The following ELMO1 variants were observed in gnomAD, a reference collection of about 807,000 sequenced individuals.
ELMO1 encodes the protein engulfment and cell motility protein 1.
In ELMO1, 26 loss-of-function variants were observed where a neutral mutation model predicts 98.9. The ratio of observed to expected loss-of-function variants is 0.26; its 90% CI spans 0.19 to 0.36. ELMO1 has a LOEUF of 0.36. ELMO1 is among the 10% of genes least tolerant of loss of function. The probability of loss-of-function intolerance (pLI) is 1.00; values close to 1 mark genes in which losing one functional copy is unlikely to be tolerated. For synonymous variants in ELMO1, 346 were observed against 346.0 expected (o/e 1.00, Z 0.00); for missense variants, 627 against 935.2 (o/e 0.67, Z 4.30).
At chr7:37,165,546 A>G (rs893360804) in intron 13 of ELMO1, among the ~76,000 whole-genome samples, 2 of 152,114 alleles carry the variant, frequency 1.3e-5, no homozygotes, top group African/African-American at 4.8e-5. Flanking sequence ...CTTAGCATGA[A>G]GGGCTGTTGA....
At chr7:37,373,377 C>A (rs563262094) in intron 1 of ELMO1, among the ~76,000 whole-genome samples, 137 of 152,176 alleles carry the variant, frequency 9.0e-4, no homozygotes, top group African/African-American at 3.1e-3. Flanking sequence ...GAGCTTGAGG[C>A]GGGCAGATCA....
In ELMO1 at chr7:37,304,436, C is replaced by G. The variant is rs543137687; in HGVS notation, c.192+10414G>C. Among the ~76,000 whole-genome samples the G allele has an allele frequency of 8.3e-4, 127 of 152,322 alleles. 1 individual carries two copies. The highest frequency in any genetic ancestry group is 2.7e-3 in the African/African-American group (113 of 41,570). On this transcript the variant is annotated intron_variant, in intron 4 of 21. Transcript: ENST00000310758. ...ATGGATTGAGAAAGGGCAGAGGCGT[C>G]TGGGCACGGCGGCTCACGCCTGTAA...
intron 18 of ELMO1, among the ~76,000 whole-genome samples, chr7:36,887,232 A>T (rs1400220940): frequency 6.6e-6 from 1 of 152,224 alleles, no homozygotes; most frequent in Non-Finnish European, 1.5e-5. Flanking sequence ...CAGAACATAG[A>T]TCCGGAAGTC....
intron 16 of ELMO1, among the ~76,000 whole-genome samples, chr7:37,004,510 C>T (rs1792908771): frequency 6.6e-6 from 1 of 152,178 alleles, no homozygotes; most frequent in South Asian, 2.1e-4. Flanking sequence ...TTATTTTCTC[C>T]TCCTAATTGG....
At chr7:37,193,008 TAC>T (rs10592735) in intron 13 of ELMO1, among the ~76,000 whole-genome samples, 82,656 of 125,290 alleles carry the variant, frequency 0.66, 26,498 homozygotes, top group East Asian at 0.83. Context: ...TATATATATA[TAC>T]ACACACACAC....
chr7:37,038,508 T>C (rs1795318892), intron 15 of ELMO1, among the ~76,000 whole-genome samples: 1 of 152,220 alleles, frequency 6.6e-6, no homozygotes, highest in African/African-American at 2.4e-5. Flanking sequence ...GATTTTTTGA[T>C]CTTCCTTCTT....
intron 1 of ELMO1, among the ~76,000 whole-genome samples, chr7:37,381,864 G>A (rs1169515085): frequency 6.6e-6 from 1 of 151,774 alleles, no homozygotes; most frequent in African/African-American, 2.4e-5. Flanking sequence ...AATAACAAAG[G>A]TTAGGATCCC....
At chr7:36,930,194 C>T (rs1487127632) in intron 16 of ELMO1, among the ~76,000 whole-genome samples, 1 of 152,248 alleles carries the variant, frequency 6.6e-6, no homozygotes, top group East Asian at 1.9e-4. Context: ...CCAGGGAATA[C>T]TTATGCCCTC....
intron 13 of ELMO1, among the ~76,000 whole-genome samples, chr7:37,184,936 C>T (rs1015234767): frequency 6.6e-6 from 1 of 152,084 alleles, no homozygotes; most frequent in Non-Finnish European, 1.5e-5. Flanking sequence ...TACTTCATTG[C>T]TATCCTTTTT....
At chr7:37,409,084 C>A (rs1304660882) in intron 1 of ELMO1, among the ~76,000 whole-genome samples, 1 of 148,898 alleles carries the variant, frequency 6.7e-6, no homozygotes, top group Non-Finnish European at 1.5e-5. Context: ...AGCACAATAT[C>A]AGCAGAAAGG....
At chr7:37,087,099 A>C (rs557663689) in intron 15 of ELMO1, among the ~76,000 whole-genome samples, 11 of 152,266 alleles carry the variant, frequency 7.2e-5, no homozygotes, top group Non-Finnish European at 1.3e-4. Context: ...TTTCATTGCT[A>C]CTGTTATAAT....
intron 13 of ELMO1, among the ~76,000 whole-genome samples, chr7:37,147,493 G>A (rs1304178684): frequency 2.0e-5 from 3 of 152,174 alleles, no homozygotes; most frequent in Non-Finnish European, 4.4e-5. Flanking sequence ...ACCTCCAAGT[G>A]TCACTAAGGG....
At chr7:37,408,659 C>G (rs1466499810) in intron 1 of ELMO1, among the ~76,000 whole-genome samples, 1 of 152,132 alleles carries the variant, frequency 6.6e-6, no homozygotes, top group Non-Finnish European at 1.5e-5. Flanking sequence ...AAGCCGGCCA[C>G]AAAAAGACCC....
At chr7:37,435,775 G>T (rs1212412879) in intron 1 of ELMO1, among the ~76,000 whole-genome samples, 1 of 152,160 alleles carries the variant, frequency 6.6e-6, no homozygotes, top group African/African-American at 2.4e-5. Context: ...TGACTGGAAG[G>T]ATGTCTCACT....
At chr7:36,869,269 G>A (rs1803316750) in intron 20 of ELMO1, among the ~76,000 whole-genome samples, 1 of 152,192 alleles carries the variant, frequency 6.6e-6, no homozygotes, top group Non-Finnish European at 1.5e-5. Flanking sequence ...TGGAGCTGAG[G>A]TGAGTTATAG....
intron 4 of ELMO1, among the ~76,000 whole-genome samples, chr7:37,279,488 G>A (rs958870404): frequency 7.2e-5 from 11 of 152,210 alleles, no homozygotes; most frequent in Non-Finnish European, 1.2e-4. Context: ...TGCAATACCC[G>A]GGAGACACCC....
intron 16 of ELMO1, among the ~76,000 whole-genome samples, chr7:36,975,343 A>G (rs974211264): frequency 2.0e-5 from 3 of 152,050 alleles, no homozygotes; most frequent in African/African-American, 7.2e-5. Context: ...ATGGTGACAC[A>G]TGCCTGTAAT....
rs1802110700 is a variant in ELMO1 at position 36,855,238 on chromosome 7, G to C, written c.*313C>G. 1 of 370,746 alleles carries C rather than the reference G, an allele frequency of 2.7e-6. No homozygotes were observed. Among genetic ancestry groups the C allele is most frequent in the Admixed American group, 4.2e-5 (1 of 23,806 alleles). The allele number at this position is 370,746 out of a possible 1,614,324, so 23.0% of individuals were successfully genotyped here. ...TCCTGCCCAAGGGAAGGAAGGGCAT[G>C]CCTGCAGAGGGCTAGGATGGAAGGG... is the stretch of plus-strand genomic sequence containing the variant. On this transcript the variant is annotated 3_prime_UTR_variant, in exon 22 of 22. Transcript: ENST00000310758. The surrounding 1 kb of genome is among the most constrained non-coding windows in gnomAD (Gnocchi z 4.2).
intron 16 of ELMO1, among the ~76,000 whole-genome samples, chr7:36,897,598 A>G (rs1806145923): frequency 6.6e-6 from 1 of 152,308 alleles, no homozygotes; most frequent in Admixed American, 6.5e-5. Context: ...TGGAAATAGC[A>G]AAGTTAATTC....
Sources: allele counts gnomAD v4.1 joint callset (sites outside exome capture counted in the v4.1 genomes callset), GRCh38; gene constraint gnomAD v4.1.1; non-coding constraint Gnocchi (gnomAD v3.1); transcripts MANE v1.5; gene names NCBI Gene and HGNC (gene_info 2026-07-23, HGNC 2026-07-21).